Variants in HECA observed in about 807,000 individuals in gnomAD.
HECA encodes HECA ribonucleoprotein granule regulator.
Under a neutral mutation model 37.6 loss-of-function variants are expected in HECA, and 13 were observed. That is an observed-to-expected ratio of 0.35 (90% CI 0.23 to 0.55). The LOEUF (loss-of-function observed/expected upper bound fraction) is 0.55, where lower values mean the gene tolerates loss of function less well. Among genes scored for constraint, HECA ranks in the 20% least tolerant of loss-of-function variants. HECA has a pLI of 0.90. For synonymous variants in HECA, 307 were observed against 291.5 expected (o/e 1.05, Z -0.54); for missense variants, 527 against 701.9 (o/e 0.75, Z 2.82).
In HECA at chr6:139,177,358, T is replaced by C; in HGVS notation, c.*253T>C. 3.4e-6 allele frequency: 1 copy of C among 296,698 alleles called. No individual in the cohort carries two copies. The highest frequency in any genetic ancestry group is 1.1e-4 in the South Asian group (1 of 8,794). The allele number at this position is 296,698 out of a possible 1,614,324, so 18.4% of individuals were successfully genotyped here. On this transcript the variant is annotated 3_prime_UTR_variant, in exon 4 of 4. Transcript: ENST00000367658. This position sits in a 1 kb window ranked among gnomAD's most constrained non-coding sequence, Gnocchi z 4.9. The stretch of plus-strand genomic sequence containing the variant: ...GGGGTTCACTCTTACCAAGAATCTT[T>C]GATGCAGCTTTAAGATGGTGGGGAG...
At position 139,166,427 on chromosome 6, in the gene HECA, A is replaced by G; in HGVS notation, c.415A>G (p.Ser139Gly). ...CCTGCAGTGCTTCTACGAGTGGGAG[A>G]GCAGCATCCTCGTCCAGTTCAACTG... is the stretch of plus-strand genomic sequence containing the variant. ...MHLQCFYEWE[S>G]SILVQFNCIG... is the part of the protein sequence containing the mutation. The change falls in exon 2 of 4, where the codon AGC becomes GGC. Residue 139 changes from serine (S) to glycine (G), a missense_variant. By Grantham distance (56) the Ser-to-Gly change is moderately conservative. Transcript: ENST00000367658. 1 of 1,614,162 alleles carries G rather than the reference A, an allele frequency of 6.2e-7. No homozygotes were observed. The highest frequency in any genetic ancestry group is 8.5e-7 in the Non-Finnish European group (1 of 1,180,014).
Position 139,135,468 on chromosome 6 carries a change from A to C in HECA, c.72A>C (p.Glu24Asp). The C allele has an allele frequency of 7.6e-7, 1 of 1,313,206 alleles. No homozygotes were observed. Among genetic ancestry groups the C allele is most frequent in the Non-Finnish European group, 9.9e-7 (1 of 1,007,094 alleles). 81.3% of individuals were successfully genotyped at this position (1,313,206 alleles called of 1,614,324 possible). Residue 24 changes from glutamate (E) to aspartate (D), a missense_variant, in exon 1 of 4, where the codon GAA becomes GAC. Glu to Asp is a conservative substitution (Grantham distance 45). Around this residue, in one of 4 missense-constraint regions of HECA, gnomAD observed 172 missense variants for 197.6 expected, o/e 0.87. Transcript: ENST00000367658. ...CCAACAGCAGCGGCGACGAGCAGGAAAATGGAGCCGGGGCCCTGGCAGCGG... is the reference window on the plus strand; with the variant it reads ...CCAACAGCAGCGGCGACGAGCAGGACAATGGAGCCGGGGCCCTGGCAGCGG... The part of the protein sequence containing the change: ...KRANSSGDEQ[E>D]NGAGALAAAG...
At chr6:139,141,016 T>C (rs375454763) in intron 1 of HECA, among the ~76,000 whole-genome samples, 1 of 152,174 alleles carries the variant, frequency 6.6e-6, no homozygotes. Context: ...GGTCTTGATC[T>C]CCTGACATCG....
chr6:139,148,954 T>C (rs975337599), intron 1 of HECA, among the ~76,000 whole-genome samples: 11 of 152,224 alleles, frequency 7.2e-5, no homozygotes, highest in Admixed American at 1.3e-4. Context: ...AGATAAAGAC[T>C]CATTATTTAC....
At chr6:139,143,818 G>A (rs915109792) in intron 1 of HECA, among the ~76,000 whole-genome samples, 1 of 149,166 alleles carries the variant, frequency 6.7e-6, no homozygotes, top group Non-Finnish European at 1.5e-5. Context: ...CCGAGATTGC[G>A]CCACTGCACT....
At position 139,165,581 on chromosome 6, in the gene HECA, C is replaced by T. The variant is rs571153358; in HGVS notation, c.272-703C>T. Among the ~76,000 whole-genome samples, 385 of 150,858 alleles carry T rather than the reference C, an allele frequency of 2.6e-3. 1 individual carries two copies. Among genetic ancestry groups the T allele is most frequent in the African/African-American group, 9.2e-3 (377 of 41,004 alleles). ...GCTCATCCCCCACCCCCTGTGGCAA[C>T]CACTTTTTTTTTTTTTTTTTACTGA... On this transcript the variant is annotated intron_variant, in intron 1 of 3. Transcript: ENST00000367658.
At chr6:139,150,362 G>T (rs888514463) in intron 1 of HECA, among the ~76,000 whole-genome samples, 1 of 151,824 alleles carries the variant, frequency 6.6e-6, no homozygotes, top group Non-Finnish European at 1.5e-5. Flanking sequence ...TTCATGAGAG[G>T]TATTCAGATT....
At chr6:139,136,855 C>G (rs1317981943) in intron 1 of HECA, among the ~76,000 whole-genome samples, 1 of 151,986 alleles carries the variant, frequency 6.6e-6, no homozygotes, top group Non-Finnish European at 1.5e-5. Flanking sequence ...AGGCTGGTCT[C>G]GAACTCCTGA....
Position 139,174,391 on chromosome 6 carries a change from T to G in HECA, c.1319T>G (p.Leu440Arg). Residue 440 changes from leucine (L) to arginine (R), a missense_variant, in exon 3 of 4, where the codon CTC becomes CGC. Coordinates refer to ENST00000367658, the MANE Select transcript of HECA (RefSeq NM_016217.3). ...TTGTGTCTTCTGTGCACAGGGAGACTCATGCATCTGTATGCCGTGTGCGTG... is the reference window on the plus strand; with the variant it reads ...TTGTGTCTTCTGTGCACAGGGAGACGCATGCATCTGTATGCCGTGTGCGTG... ...YDVPCHLQGR[L>R]MHLYAVCVDC... 2 of 1,613,542 alleles carry G rather than the reference T, an allele frequency of 1.2e-6. No individual in the cohort carries two copies. Among genetic ancestry groups the G allele is most frequent in the Non-Finnish European group, 1.7e-6 (2 of 1,179,712 alleles).
chr6:139,168,160 T>C (rs1774919782), intron 2 of HECA, among the ~76,000 whole-genome samples: 2 of 152,238 alleles, frequency 1.3e-5, no homozygotes, highest in Non-Finnish European at 2.9e-5. Context: ...ATCGTGATTG[T>C]AAATACTGCT....
chr6:139,144,455 A>T (rs773722765), intron 1 of HECA: 4 of 152,406 alleles, frequency 2.6e-5, no homozygotes, highest in Non-Finnish European at 5.9e-5. Flanking sequence ...TAGAGGAAGG[A>T]TGTTCCAAAC....
At chr6:139,171,216 G>A (rs1774967650) in intron 2 of HECA, among the ~76,000 whole-genome samples, 2 of 151,992 alleles carry the variant, frequency 1.3e-5, no homozygotes, top group African/African-American at 2.4e-5. Flanking sequence ...AGAGCTCTTG[G>A]ATAGGAAGAA....
At chr6:139,143,314 T>G (rs1011587741) in intron 1 of HECA, among the ~76,000 whole-genome samples, 2 of 152,206 alleles carry the variant, frequency 1.3e-5, no homozygotes, top group Non-Finnish European at 2.9e-5. Flanking sequence ...TTTTGTGGTT[T>G]GTTCAACCTT....
In HECA at chr6:139,167,355, CTGTT is replaced by C. The variant is rs760404644; in HGVS notation, c.1312+36_1312+39del. ...GGTGTTAATTCACCTTGCCTGCTTT[CTGTT>C]TGTTAAAAACCAAACAACAAACAAG... On this transcript the variant is annotated intron_variant, in intron 2 of 3. Transcript: ENST00000367658. 6.7e-6 allele frequency: 10 copies of C among 1,487,106 alleles called. No individual in the cohort carries two copies. In the South Asian group the frequency reaches 8.9e-5, roughly 13 times the overall value. The allele number at this position is 1,487,106 out of a possible 1,614,324, so 92.1% of individuals were successfully genotyped here.
intron 1 of HECA, chr6:139,144,762 C>G (rs188662863): frequency 1.3e-5 from 2 of 152,230 alleles, no homozygotes; most frequent in Non-Finnish European, 2.9e-5. Context: ...CTGCCATGGA[C>G]CCTCAATTGT....
At chr6:139,137,620 C>G (rs115955531) in intron 1 of HECA, among the ~76,000 whole-genome samples, 24 of 140,378 alleles carry the variant, frequency 1.7e-4, no homozygotes, top group African/African-American at 5.2e-4. Context: ...TGCCCACCCC[C>G]CTACCAGCTC....
At chr6:139,140,736 G>A (rs995049150) in intron 1 of HECA, among the ~76,000 whole-genome samples, 3 of 152,218 alleles carry the variant, frequency 2.0e-5, no homozygotes, top group Non-Finnish European at 4.4e-5. Flanking sequence ...GAAGGTACCA[G>A]AAGAGATTCT....
intron 1 of HECA, among the ~76,000 whole-genome samples, chr6:139,141,062 T>G (rs1774507590): frequency 6.6e-6 from 1 of 152,224 alleles, no homozygotes; most frequent in Non-Finnish European, 1.5e-5. Flanking sequence ...AGTGCTGAGA[T>G]TACAGGCGTG....
At chr6:139,161,685 ACAT>A (rs1424054861) in intron 1 of HECA, among the ~76,000 whole-genome samples, 17 of 152,350 alleles carry the variant, frequency 1.1e-4, no homozygotes, top group African/African-American at 4.1e-4. Flanking sequence ...GTCAGTCTCA[ACAT>A]TTACAGTTGG....
Sources: gnomAD v4.1 joint callset for allele counts (sites outside exome capture counted in the v4.1 genomes callset) on GRCh38, gnomAD v4.1.1 for gene constraint, gnomAD v4.1.1 regional missense constraint, Gnocchi (gnomAD v3.1) non-coding constraint, MANE v1.5 for transcripts, NCBI Gene and HGNC (gene_info 2026-07-23, HGNC 2026-07-21) for gene names.